Variants in UNKL observed in about 807,000 individuals in gnomAD.
The protein encoded by UNKL is putative E3 ubiquitin-protein ligase UNKL.
UNKL carries 60 observed loss-of-function variants against 78.0 expected under a neutral mutation model. The observed-to-expected ratio is 0.77, with a 90% confidence interval of 0.63 to 0.95. The LOEUF is 0.95. Among genes scored for constraint, UNKL ranks in the 40% least tolerant of loss-of-function variants. The pLI, the probability that UNKL is intolerant of heterozygous loss-of-function variation, is 0.00. For synonymous variants in UNKL, 608 were observed against 474.8 expected (o/e 1.28, Z -3.65); for missense variants, 1,159 against 1,045.7 (o/e 1.11, Z -1.49).
At chr16:1,405,895 G>T (rs768789739) in intron 2 of UNKL, 1 of 454,650 alleles carries the variant, frequency 2.2e-6, no homozygotes, top group South Asian at 1.5e-5. Context: ...CTTCCCTCAG[G>T]AAGCTCTCAC....
At chr16:1,405,735 G>A (rs888201288) in intron 2 of UNKL, among the ~76,000 whole-genome samples, 7 of 151,832 alleles carry the variant, frequency 4.6e-5, no homozygotes, top group African/African-American at 1.7e-4. Flanking sequence ...TGACAAACAC[G>A]GTTCTCAAAC....
chr16:1,390,171 A>G (rs1486182474), intron 9 of UNKL, among the ~76,000 whole-genome samples: 1 of 152,094 alleles, frequency 6.6e-6, no homozygotes, highest in Non-Finnish European at 1.5e-5. Context: ...TATTTTTAGT[A>G]CAGATGGGGT....
chr16:1,394,228 G>C lies in UNKL; in HGVS notation c.853-13C>G. 1 of 1,550,508 alleles carries C rather than the reference G, an allele frequency of 6.4e-7. No individual in the cohort carries two copies. Among genetic ancestry groups the C allele is most frequent in the Non-Finnish European group, 8.7e-7 (1 of 1,146,902 alleles). On this transcript the variant is annotated splice_polypyrimidine_tract_variant and intron_variant, in intron 6 of 14. Transcript: ENST00000389221. Reference sequence around the variant, plus strand: ...TAGATTTGTAGATCTGGGGAAAAAAGTGAAATAAAGAGGTTGGATTGGAAA... The same window carrying C: ...TAGATTTGTAGATCTGGGGAAAAAACTGAAATAAAGAGGTTGGATTGGAAA...
chr16:1,395,465 CTGTT>C (rs1194654641), intron 6 of UNKL, among the ~76,000 whole-genome samples: 1 of 152,212 alleles, frequency 6.6e-6, no homozygotes, highest in Non-Finnish European at 1.5e-5. Flanking sequence ...TGTGCCTGGC[CTGTT>C]TGTTTTTAAT....
intron 1 of UNKL, 57 bp from the exon 2 acceptor site, chr16:1,414,112 C>T (rs1253341616): frequency 1.1e-5 from 16 of 1,483,928 alleles, no homozygotes; most frequent in Non-Finnish European, 1.5e-5. Context: ...GGGACTCGGA[C>T]TCGTGGGCGG....
chr16:1,407,217 AT>A (rs2037806659), intron 2 of UNKL: 1 of 152,072 alleles, frequency 6.6e-6, no homozygotes, highest in Non-Finnish European at 1.5e-5. Flanking sequence ...GCAACAGTTA[AT>A]CTTAGAAATG....
chr16:1,399,699 G>A lies in UNKL; in HGVS notation c.599-190C>T. The stretch of plus-strand genomic sequence containing the variant: ...GCGCTCCATGAGGGAAGCCGGGCCA[G>A]AAGGCCACGTGGTGTGATTCTGTTT... On this transcript the variant is annotated intron_variant, in intron 4 of 14. Transcript: ENST00000389221. This position sits in a 1 kb window ranked among gnomAD's most constrained non-coding sequence, Gnocchi z 5.8. The A allele has an allele frequency of 2.4e-6, 2 of 824,030 alleles. No homozygotes were observed. The highest frequency in any genetic ancestry group is 2.9e-5 in the East Asian group (1 of 34,974). The allele number at this position is 824,030 out of a possible 1,614,324, so 51.0% of individuals were successfully genotyped here.
chr16:1,370,604 C>T (rs921248305), intron 11 of UNKL, among the ~76,000 whole-genome samples: 11 of 152,064 alleles, frequency 7.2e-5, no homozygotes, highest in African/African-American at 2.2e-4. Flanking sequence ...GGTGGGGAGA[C>T]GGGGGTTTAA....
intron 12 of UNKL, among the ~76,000 whole-genome samples, chr16:1,369,111 CTGGAT>C (rs2035566522): frequency 8.4e-6 from 1 of 118,654 alleles, no homozygotes; most frequent in Non-Finnish European, 1.6e-5. Context: ...TATCGCCAGG[CTGGAT>C]TGGAGTGCAG....
At chr16:1,392,101 C>T (rs774117862) in intron 8 of UNKL, among the ~76,000 whole-genome samples, 2 of 152,188 alleles carry the variant, frequency 1.3e-5, no homozygotes, top group Admixed American at 6.5e-5. Context: ...AACCCCAAAC[C>T]GAGCCATTCA....
Position 1,370,172 on chromosome 16 carries a change from G to A in UNKL, c.1543C>T (p.Pro515Ser). The change falls in exon 12 of 15, where the codon CCG becomes TCG. Residue 515 changes from proline to serine, a missense_variant. Physicochemically the swap from Pro to Ser is moderately conservative, Grantham distance 74 (BLOSUM62 -1). Transcript: ENST00000389221. ...GAGGCTGCAGAGCCCAGTGTGCCCG[G>A]CTCTGAACGCAGGGGTGGCGGCTGC... Reference protein sequence around the residue: ...PQQPPPLRSEPGTLGSAASSY... With the variant: ...PQQPPPLRSESGTLGSAASSY... 1 of 1,516,016 alleles carries A rather than the reference G, an allele frequency of 6.6e-7. No homozygotes were observed. Among genetic ancestry groups the A allele is most frequent in the Non-Finnish European group, 8.9e-7 (1 of 1,127,204 alleles). The allele number at this position is 1,516,016 out of a possible 1,614,324, so 93.9% of individuals were successfully genotyped here.
At chr16:1,381,507 C>G (rs990055525) in intron 10 of UNKL, among the ~76,000 whole-genome samples, 1 of 152,134 alleles carries the variant, frequency 6.6e-6, no homozygotes. Context: ...GTAATCCCAG[C>G]TACTCCGGAG....
At chr16:1,374,370 G>C (rs967114362) in intron 10 of UNKL, among the ~76,000 whole-genome samples, 6 of 152,164 alleles carry the variant, frequency 3.9e-5, no homozygotes, top group African/African-American at 1.4e-4. Context: ...GTGTGCTGCT[G>C]AGGCCTGCTC....
rs73487891 is a variant in UNKL at position 1,394,621 on chromosome 16, T to C, written c.853-406A>G. On this transcript the variant is annotated intron_variant, in intron 6 of 14. Coordinates refer to ENST00000389221, the MANE Select transcript of UNKL (RefSeq NM_001372107.1). ...CCTTCACCTAGGGTGACAGCCCCTC[T>C]CATGAGGTCAACAACACTTAAGACC... 7.0e-3 allele frequency: 2,937 copies of C among 419,368 alleles called. 60 individuals are homozygous for C. Among genetic ancestry groups the C allele is most frequent in the African/African-American group, 0.053 (2,619 of 49,694 alleles). 26.0% of individuals were successfully genotyped at this position (419,368 alleles called of 1,614,324 possible). A position where few individuals can be genotyped will look rare whatever the true frequency, so the allele number is the denominator to read the frequency against.
At chr16:1,384,185 G>A (rs2036719346) in intron 10 of UNKL, among the ~76,000 whole-genome samples, 1 of 152,090 alleles carries the variant, frequency 6.6e-6, no homozygotes, top group Non-Finnish European at 1.5e-5. Context: ...GCAAAGCCCT[G>A]CACGGGTGTG....
rs111591224 is a variant in UNKL at position 1,374,142 on chromosome 16, G to C, written c.1265-2531C>G. On this transcript the variant is annotated intron_variant, in intron 10 of 14. Transcript: ENST00000389221. ...ACCGCACAGAGACCTCAGCAGCGTG[G>C]GGCACACCACACAGGGACTGCCGGC... Among the ~76,000 whole-genome samples, 141 of 75,960 alleles carry C rather than the reference G, an allele frequency of 1.9e-3. 11 individuals are homozygous for C. Among genetic ancestry groups the C allele is most frequent in the South Asian group, 4.7e-3 (11 of 2,326 alleles). The allele number at this position is 75,960 out of a possible 152,430, so 49.8% of individuals were successfully genotyped here. A position where few individuals can be genotyped will look rare whatever the true frequency, so the allele number is the denominator to read the frequency against.
chr16:1,371,982 T>G (rs147380236), intron 10 of UNKL, among the ~76,000 whole-genome samples: 2 of 151,682 alleles, frequency 1.3e-5, no homozygotes, highest in Non-Finnish European at 2.9e-5. Context: ...CAGGGCCGGG[T>G]GCGGTGGCTC....
At chr16:1,389,346 G>C (rs2142115135) in intron 9 of UNKL, among the ~76,000 whole-genome samples, 1 of 152,318 alleles carries the variant, frequency 6.6e-6, no homozygotes, top group African/African-American at 2.4e-5. Flanking sequence ...AACACTTTGG[G>C]AGGTCAAAGC....
In UNKL at chr16:1,403,844, C is replaced by T. The variant is rs555367645; in HGVS notation, c.288-500G>A. 3.3e-5 allele frequency among the ~76,000 whole-genome samples: 5 copies of T among 152,122 alleles called. No homozygotes were observed. Among genetic ancestry groups the T allele is most frequent in the East Asian group, 1.9e-4 (1 of 5,164 alleles). On this transcript the variant is annotated intron_variant, in intron 2 of 14. Coordinates refer to ENST00000389221, the MANE Select transcript of UNKL (RefSeq NM_001372107.1). The surrounding 1 kb of genome is among the most constrained non-coding windows in gnomAD (Gnocchi z 4.8). ...GGGAACAAGCACAGGGCCCTGGACG[C>T]GGCTTGGGGGACACGAGGGGGATGG...
Sources: gnomAD v4.1 joint callset for allele counts (sites outside exome capture counted in the v4.1 genomes callset) on GRCh38, gnomAD v4.1.1 for gene constraint, Gnocchi (gnomAD v3.1) non-coding constraint, MANE v1.5 for transcripts, NCBI Gene and HGNC (gene_info 2026-07-23, HGNC 2026-07-21) for gene names.